Variants in ZNF71 observed in about 807,000 individuals in gnomAD.
ZNF71 encodes the protein endothelial zinc finger protein induced by tumor necrosis factor alpha.
Under a neutral mutation model 6.7 loss-of-function variants are expected in ZNF71, and 3 were observed. The ratio of observed to expected loss-of-function variants is 0.45; its 90% confidence interval spans 0.20 to 1.16. The LOEUF (loss-of-function observed/expected upper bound fraction) is 1.16. Ranked by LOEUF, ZNF71 falls within the 50% of genes most tolerant of loss-of-function variation. The pLI, the probability that ZNF71 is intolerant of heterozygous loss-of-function variation, is 0.25. For missense variants in ZNF71, 688 were observed against 728.6 expected (o/e 0.94, Z 0.64); for synonymous variants, 343 against 311.1 (o/e 1.10, Z -1.08).
chr19:56,617,969 A>G (rs10405569), intron 3 of ZNF71, among the ~76,000 whole-genome samples: 48,532 of 150,912 alleles, frequency 0.32, 9,797 homozygotes, highest in East Asian at 0.67. Flanking sequence ...AGACTCCATC[A>G]GCCCCAGACA....
In ZNF71 at chr19:56,598,504, G is replaced by C. The variant is rs2044643139; in HGVS notation, c.-52-3003G>C. 6.6e-6 allele frequency among the ~76,000 whole-genome samples: 1 copy of C among 152,160 alleles called. No homozygotes were observed. The highest frequency in any genetic ancestry group is 1.5e-5 in the Non-Finnish European group (1 of 68,028). ...ACAGTTGGCCAGGTGTGGTGCCCGGGTACAGGCATTAAGTGGTAGGAACCC... is the reference window on the plus strand; with the variant it reads ...ACAGTTGGCCAGGTGTGGTGCCCGGCTACAGGCATTAAGTGGTAGGAACCC... On this transcript the variant is annotated intron_variant, in intron 1 of 3. Coordinates refer to ENST00000599599, the MANE Select transcript of ZNF71 (RefSeq NM_001370215.1). The surrounding 1 kb of genome is among the most constrained non-coding windows in gnomAD (Gnocchi z 4.2).
chr19:56,602,444 T>C (rs913472465), intron 2 of ZNF71, among the ~76,000 whole-genome samples: 2 of 152,204 alleles, frequency 1.3e-5, no homozygotes, highest in Non-Finnish European at 2.9e-5. Flanking sequence ...TTTATATGGC[T>C]GTTGTCAGGC....
At chr19:56,620,148 C>T (rs911562657) in intron 3 of ZNF71, among the ~76,000 whole-genome samples, 3 of 152,128 alleles carry the variant, frequency 2.0e-5, no homozygotes, top group African/African-American at 4.8e-5. Context: ...TGTATGAACA[C>T]TTAGTGCTGA....
chr19:56,601,604 G>C lies in ZNF71; in HGVS notation c.33+13G>C. On this transcript the variant is annotated intron_variant, in intron 2 of 3. Coordinates refer to ENST00000599599, the MANE Select transcript of ZNF71 (RefSeq NM_001370215.1). The stretch of plus-strand genomic sequence containing the variant: ...TGATGAGGCACTGGTGAGTCATGTT[G>C]CCCTGTCACTCTCCTTTCCAAAGGC... The C allele has an allele frequency of 2.0e-6, 2 of 985,752 alleles. No homozygotes were observed. The highest frequency in any genetic ancestry group is 2.4e-6 in the Non-Finnish European group (2 of 829,982). The allele number at this position is 985,752 out of a possible 1,614,324, so 61.1% of individuals were successfully genotyped here.
chr19:56,623,055 G>T lies in ZNF71; in HGVS notation c.*298G>T. 2.2e-6 allele frequency: 1 copy of T among 444,856 alleles called. No homozygotes were observed. Among genetic ancestry groups the T allele is most frequent in the Non-Finnish European group, 4.1e-6 (1 of 241,478 alleles). 27.6% of individuals were successfully genotyped at this position (444,856 alleles called of 1,614,324 possible). On this transcript the variant is annotated 3_prime_UTR_variant, in exon 4 of 4. Coordinates refer to ENST00000599599, the MANE Select transcript of ZNF71 (RefSeq NM_001370215.1). ...TCCAGACTAGCCCTCTTGAGTAACT[G>T]TCCTAGAGCTGGGACAGGTCACGCC...
intron 1 of ZNF71, 57 bp from the exon 2 acceptor site, chr19:56,601,450 G>A: frequency 2.6e-6 from 2 of 764,308 alleles, no homozygotes; most frequent in Non-Finnish European, 3.2e-6. Flanking sequence ...GTCTACATTT[G>A]TGAGGCCAGC....
chr19:56,608,891 A>G (rs955472901), intron 2 of ZNF71, among the ~76,000 whole-genome samples: 12 of 152,250 alleles, frequency 7.9e-5, no homozygotes, highest in African/African-American at 2.7e-4. Flanking sequence ...AAGCAACTCT[A>G]CATGGAAAAG....
chr19:56,622,127 C>G lies in ZNF71; in HGVS notation c.1020C>G (p.Ser340Arg), dbSNP rs2044859680. 6.2e-7 allele frequency: 1 copy of G among 1,613,238 alleles called. No homozygotes were observed. The highest frequency in any genetic ancestry group is 1.1e-5 in the South Asian group (1 of 91,028). Residue 340 changes from serine (S) to arginine (R), a missense_variant, in exon 4 of 4, where the codon AGC (serine) becomes AGG (arginine). Coordinates refer to ENST00000599599, the MANE Select transcript of ZNF71 (RefSeq NM_001370215.1). ...GCCCCGAGTGCGGGCGAGCCTTCAG[C>G]CAGAACATGCACCTGACCGAGCACC... is the stretch of plus-strand genomic sequence containing the variant. ...YVCPECGRAF[S>R]QNMHLTEHQR...
rs2044847537 is a variant in ZNF71, at chr19:56,621,496, G to A, written c.389G>A (p.Gly130Asp). The change falls in exon 4 of 4, where the codon GGC (glycine) becomes GAC (aspartate). Residue 130 changes from glycine (G) to aspartate (D), a missense_variant. Coordinates refer to ENST00000599599, the MANE Select transcript of ZNF71 (RefSeq NM_001370215.1). The stretch of plus-strand genomic sequence containing the variant: ...CCCCAGGGGAACAAACTCTTAGGGG[G>A]CTCAGTACCCGCATGTCATGAACTG... ...GIPQGNKLLG[G>D]SVPACHELKA... 3.7e-6 allele frequency: 6 copies of A among 1,614,142 alleles called. No homozygotes were observed. Among genetic ancestry groups the A allele is most frequent in the Non-Finnish European group, 4.2e-6 (5 of 1,180,032 alleles).
intron 1 of ZNF71, 33 bp from the exon 2 acceptor site, chr19:56,601,474 C>G: frequency 5.3e-6 from 5 of 948,286 alleles, no homozygotes; most frequent in Non-Finnish European, 6.3e-6. Flanking sequence ...GGCCTGGTCT[C>G]TCAGCATGCC....
In ZNF71 at chr19:56,613,595, G is replaced by A. The variant is rs182575286; in HGVS notation, c.34-217G>A. On this transcript the variant is annotated intron_variant, in intron 2 of 3. Transcript: ENST00000599599. This position sits in a 1 kb window ranked among gnomAD's most constrained non-coding sequence, Gnocchi z 4.6. ...GATCTGTGACCTTCTGTTCCAGAAT[G>A]TTTCATATGGGATTTATTTCTCTAT... Among the ~76,000 whole-genome samples, 6 of 152,310 alleles carry A rather than the reference G, an allele frequency of 3.9e-5. No individual in the cohort carries two copies. The East Asian group carries it at 1.2e-3, about 29-fold the overall frequency.
rs1363458254 is a variant in ZNF71 at position 56,622,379 on chromosome 19, C to G, written c.1272C>G (p.Ser424Arg). ...GCAGCGAGTGCGGCAAGGCCTTCAG[C>G]AAGAACTCCTCGCTCACGCAGCACC... Reference protein sequence around the residue: ...FECSECGKAFSKNSSLTQHQR... With the variant: ...FECSECGKAFRKNSSLTQHQR... Residue 424 changes from serine (S) to arginine (R), a missense_variant, in exon 4 of 4, where the codon AGC (serine) becomes AGG (arginine). Transcript: ENST00000599599. 1.2e-6 allele frequency: 2 copies of G among 1,613,618 alleles called. No individual in the cohort carries two copies. Among genetic ancestry groups the G allele is most frequent in the East Asian group, 4.5e-5 (2 of 44,782 alleles).
chr19:56,622,917 T>C lies in ZNF71; in HGVS notation c.*160T>C. 2 of 910,480 alleles carry C rather than the reference T, an allele frequency of 2.2e-6. No individual in the cohort carries two copies. The highest frequency in any genetic ancestry group is 3.6e-5 in the South Asian group (2 of 55,708). 56.4% of individuals were successfully genotyped at this position (910,480 alleles called of 1,614,324 possible). ...TGTGGAGGGGCTGGCTGATCACACA[T>C]GCCCCCTCCTTACTGAGCCTCAGAA... On this transcript the variant is annotated 3_prime_UTR_variant, in exon 4 of 4. Coordinates refer to ENST00000599599, the MANE Select transcript of ZNF71 (RefSeq NM_001370215.1).
rs752723051 is a variant in ZNF71, at chr19:56,621,308, G to A, written c.201G>A (p.Lys67=). Residue 67 remains lysine, a synonymous_variant, in exon 4 of 4, where the codon AAG becomes AAA. Transcript: ENST00000599599. The part of the protein sequence containing the change: ...TRPEMKELDP[K]NDISEDKLSV... Reference sequence around the variant, plus strand: ...CTGAAATGAAAGAGTTGGATCCAAAGAATGACATTTCGGAAGACAAGCTCT... The same window carrying A: ...CTGAAATGAAAGAGTTGGATCCAAAAAATGACATTTCGGAAGACAAGCTCT... 4 of 1,522,854 alleles carry A rather than the reference G, an allele frequency of 2.6e-6. No homozygotes were observed. In the Admixed American group the frequency reaches 6.7e-5, roughly 25 times the overall value. 94.3% of individuals were successfully genotyped at this position (1,522,854 alleles called of 1,614,324 possible).
Position 56,603,560 on chromosome 19 carries a change from C to T in ZNF71, c.33+1969C>T, listed in dbSNP as rs914319573. 6.6e-6 allele frequency among the ~76,000 whole-genome samples: 1 copy of T among 152,112 alleles called. No individual in the cohort carries two copies. ...GTATAAGTCTTTGAACATATGTTCT[C>T]AGTTCTCTTAGGTGTGTACCTGGAA... is the stretch of plus-strand genomic sequence containing the variant. On this transcript the variant is annotated intron_variant, in intron 2 of 3. Coordinates refer to ENST00000599599, the MANE Select transcript of ZNF71 (RefSeq NM_001370215.1). The surrounding 1 kb of genome is among the most constrained non-coding windows in gnomAD (Gnocchi z 4.6).
intron 3 of ZNF71, 103 bp from the exon 4 acceptor site, chr19:56,621,165 C>G (rs2044842087): frequency 1.7e-6 from 2 of 1,198,192 alleles, no homozygotes; most frequent in Admixed American, 5.9e-5. Context: ...TGCCTTGGGC[C>G]TCATTGGGGT....
chr19:56,617,088 T>G (rs1355146698), intron 3 of ZNF71, among the ~76,000 whole-genome samples: 1 of 151,518 alleles, frequency 6.6e-6, no homozygotes, highest in Non-Finnish European at 1.5e-5. Flanking sequence ...TGAGTAAGAT[T>G]ACAGGAGACT....
rs1192506785 is a variant in ZNF71, at chr19:56,603,007, T to C, written c.33+1416T>C. Among the ~76,000 whole-genome samples, 1 of 152,246 alleles carries C rather than the reference T, an allele frequency of 6.6e-6. No homozygotes were observed. Among genetic ancestry groups the C allele is most frequent in the Non-Finnish European group, 1.5e-5 (1 of 68,040 alleles). On this transcript the variant is annotated intron_variant, in intron 2 of 3. Coordinates refer to ENST00000599599, the MANE Select transcript of ZNF71 (RefSeq NM_001370215.1). The surrounding 1 kb of genome is among the most constrained non-coding windows in gnomAD (Gnocchi z 4.6). ...AATCTACCTGTAATTGATTTTGCTA[T>C]ATAAATGTGTCAGTAGACTTATTTG...
intron 2 of ZNF71, among the ~76,000 whole-genome samples, chr19:56,609,347 T>G (rs2044732589): frequency 6.6e-6 from 1 of 152,094 alleles, no homozygotes; most frequent in African/African-American, 2.4e-5. Context: ...ATCCAGTGCT[T>G]TTTAGTTTAT....
Sources: gnomAD v4.1 joint callset for allele counts (sites outside exome capture counted in the v4.1 genomes callset) on GRCh38, gnomAD v4.1.1 for gene constraint, Gnocchi (gnomAD v3.1) non-coding constraint, MANE v1.5 for transcripts, NCBI Gene and HGNC (gene_info 2026-07-23, HGNC 2026-07-21) for gene names.